The following C4BPA variants were observed in gnomAD, a reference collection of about 807,000 sequenced individuals.
The protein encoded by C4BPA is C4b-binding protein alpha chain.
In C4BPA, 31 loss-of-function variants were observed where a neutral mutation model predicts 63.7. That is an observed-to-expected ratio of 0.49 (90% CI 0.37 to 0.66). C4BPA has a LOEUF of 0.66. C4BPA is among the 30% of genes least tolerant of loss of function. The pLI is 0.00. For synonymous variants in C4BPA, 259 were observed against 254.7 expected, an observed-to-expected ratio of 1.02 and a Z score of -0.16; for missense variants, 572 against 723.3, an observed-to-expected ratio of 0.79 and a Z score of 2.40.
intron 10 of C4BPA, among the ~76,000 whole-genome samples, chr1:207,142,113 C>T (rs984392929): frequency 2.0e-5 from 3 of 149,662 alleles, no homozygotes; most frequent in Non-Finnish European, 3.0e-5. Context: ...TGTTCCCCTC[C>T]CTGTGTCCAT....
intron 1 of C4BPA, among the ~76,000 whole-genome samples, chr1:207,109,737 G>A (rs1684627935): frequency 6.6e-6 from 1 of 152,194 alleles, no homozygotes; most frequent in Admixed American, 6.5e-5. Flanking sequence ...ACCTGTGGAA[G>A]GAGGAGAACC....
At chr1:207,140,519 C>G (rs1467096844) in intron 9 of C4BPA, among the ~76,000 whole-genome samples, 5 of 142,228 alleles carry the variant, frequency 3.5e-5, no homozygotes, top group Admixed American at 1.4e-4. Context: ...TTTTTTTTAA[C>G]TTTCTCATGC....
chr1:207,134,274 G>C (rs774953866), intron 8 of C4BPA, 130 bp from the exon 9 acceptor site: 2 of 679,704 alleles, frequency 2.9e-6, no homozygotes. Context: ...GAGTGTCTTG[G>C]GTCTCCCTTT....
chr1:207,125,170 A>C (rs1242153891), intron 6 of C4BPA, among the ~76,000 whole-genome samples: 5 of 152,252 alleles, frequency 3.3e-5, no homozygotes, highest in Non-Finnish European at 7.3e-5. Context: ...TACTGCCAAC[A>C]GTGCAAAATG....
At chr1:207,122,017 T>C (rs1429606622) in intron 4 of C4BPA, among the ~76,000 whole-genome samples, 2 of 152,208 alleles carry the variant, frequency 1.3e-5, no homozygotes, top group African/African-American at 4.8e-5. Flanking sequence ...CCTGTCTCTA[T>C]TTTTTCTTAG....
chr1:207,137,589 ATGTTTTGTTT>A lies in C4BPA; in HGVS notation c.1273+3035_1273+3044del, dbSNP rs76261944. ...GTTTATGATAAGGGGTTGTGGAGAT[ATGTTTTGTTT>A]TGTTTTGTTTTGTTTTGTTTTGTTT... On this transcript the variant is annotated intron_variant, in intron 9 of 11. Coordinates refer to ENST00000367070, the MANE Select transcript of C4BPA (RefSeq NM_000715.4). Among the ~76,000 whole-genome samples, 945 of 149,740 alleles carry A rather than the reference ATGTTTTGTTT, an allele frequency of 6.3e-3. 6 individuals carry two copies. The highest frequency in any genetic ancestry group is 0.015 in the African/African-American group (608 of 40,226).
Position 207,144,548 on chromosome 1 carries a change from C to T in C4BPA, c.1625C>T (p.Thr542Ile). The change falls in exon 12 of 12, where the codon ACC becomes ATC. Residue 542 changes from threonine (T) to isoleucine (I), a missense_variant. Thr to Ile is a moderately conservative substitution (Grantham distance 89). Transcript: ENST00000367070. ...CCCACCACTTATATCTTTTAGGAGA[C>T]CCCCGAAGGCTGTGAACAAGTGCTC... ...YPEVPKCEWETPEGCEQVLTG... is the reference protein window; with the variant it reads ...YPEVPKCEWEIPEGCEQVLTG... 6.2e-7 allele frequency: 1 copy of T among 1,605,806 alleles called. No homozygotes were observed. The highest frequency in any genetic ancestry group is 1.1e-5 in the South Asian group (1 of 90,000).
At chr1:207,112,249 A>G (rs1413275214) in intron 1 of C4BPA, among the ~76,000 whole-genome samples, 1 of 151,490 alleles carries the variant, frequency 6.6e-6, no homozygotes, top group Non-Finnish European at 1.5e-5. Flanking sequence ...AAATTGCTTC[A>G]TGGTTTATTG....
At chr1:207,134,377 C>A (rs116754224) in intron 8 of C4BPA, 27 bp from the exon 9 acceptor site, 14 of 1,568,922 alleles carry the variant, frequency 8.9e-6, no homozygotes, top group Non-Finnish European at 1.2e-5. Context: ...ATTTTACTAA[C>A]CATGCACCTC....
chr1:207,131,568 C>T lies in C4BPA; in HGVS notation c.912C>T (p.Asp304=), dbSNP rs1685160342. The change falls in exon 8 of 12, where the codon GAC becomes GAT. Residue 304 remains aspartate, a synonymous_variant. Coordinates refer to ENST00000367070, the MANE Select transcript of C4BPA (RefSeq NM_000715.4). Reference sequence around the variant, plus strand: ...TAGATAGTTGTATTAATTTACCAGACATTCCACATGCTTCCTGGGAAACAT... The same window carrying T: ...TAGATAGTTGTATTAATTTACCAGATATTCCACATGCTTCCTGGGAAACAT... ...CEPNSCINLP[D]IPHASWETYP... is the part of the protein sequence containing the mutation. The T allele has an allele frequency of 8.1e-6, 13 of 1,610,618 alleles. No individual in the cohort carries two copies. The highest frequency in any genetic ancestry group is 1.1e-5 in the Non-Finnish European group (13 of 1,177,454).
At position 207,126,724 on chromosome 1, in the gene C4BPA, C is replaced by T. The variant is rs771897726; in HGVS notation, c.718C>T (p.Arg240Cys). 1.4e-5 allele frequency: 22 copies of T among 1,607,858 alleles called. No homozygotes were observed. The highest frequency in any genetic ancestry group is 3.4e-5 in the Admixed American group (2 of 59,272). Residue 240 changes from arginine to cysteine, a missense_variant, in exon 7 of 12, where the codon CGC becomes TGC. Arg to Cys is a radical substitution (Grantham distance 180, BLOSUM62 -3). This residue lies in a region of C4BPA where 465 missense variants were observed against 629.4 expected (regional missense o/e 0.74). Coordinates refer to ENST00000367070, the MANE Select transcript of C4BPA (RefSeq NM_000715.4). Reference protein sequence around the residue: ...SPPTCEKITCRKPDVSHGEMV... With the variant: ...SPPTCEKITCCKPDVSHGEMV... Reference sequence around the variant, plus strand: ...TCATGATTCTTTAGAAATCACCTGTCGCAAGCCAGATGTTTCACATGGGGA... The same window carrying T: ...TCATGATTCTTTAGAAATCACCTGTTGCAAGCCAGATGTTTCACATGGGGA...
In C4BPA at chr1:207,131,692, G is replaced by A; in HGVS notation, c.1036G>A (p.Val346Met). 1.2e-6 allele frequency: 2 copies of A among 1,613,670 alleles called. No homozygotes were observed. The highest frequency in any genetic ancestry group is 2.2e-5 in the South Asian group (2 of 90,972). ...YKPTTDEPTT[V>M]ICQKNLRWTP... ...ACCCACTACAGATGAGCCTACGACT[G>A]TGATTTGTCAGAAAAATTTGAGATG... The change falls in exon 8 of 12, where the codon GTG (valine) becomes ATG (methionine). Residue 346 changes from valine (V) to methionine (M), a missense_variant. Physicochemically the swap from Val to Met is conservative, Grantham distance 21 (BLOSUM62 1). Coordinates refer to ENST00000367070, the MANE Select transcript of C4BPA (RefSeq NM_000715.4).
At chr1:207,117,175 T>A (rs530469089) in intron 4 of C4BPA, among the ~76,000 whole-genome samples, 1 of 152,280 alleles carries the variant, frequency 6.6e-6, no homozygotes, top group Admixed American at 6.5e-5. Flanking sequence ...TTAGGTGAAG[T>A]GCAGTGGCTC....
chr1:207,144,443 G>C lies in C4BPA; in HGVS notation c.1621-101G>C, dbSNP rs73079153. On this transcript the variant is annotated intron_variant, in intron 11 of 11. Transcript: ENST00000367070. Reference sequence around the variant, plus strand: ...CAGCCTCAACCACCAGTCTGAGGTTGGTCTTGGTTCAATCCTGTAGTCCTT... The same window carrying C: ...CAGCCTCAACCACCAGTCTGAGGTTCGTCTTGGTTCAATCCTGTAGTCCTT... 5.2e-3 allele frequency: 4,955 copies of C among 955,722 alleles called. 162 individuals are homozygous for C. In the African/African-American group the frequency reaches 0.074, roughly 14 times the overall value. The allele number at this position is 955,722 out of a possible 1,614,324, so 59.2% of individuals were successfully genotyped here. A position where few individuals can be genotyped will look rare whatever the true frequency, so the allele number is the denominator to read the frequency against.
At position 207,144,830 on chromosome 1, in the gene C4BPA, A is replaced by G. The variant is rs562917443; in HGVS notation, c.*113A>G. The stretch of plus-strand genomic sequence containing the variant: ...TTGGCAGTGATATTCATCATAATAA[A>G]TATCTAGAAATGATAATTTGCTAAA... On this transcript the variant is annotated 3_prime_UTR_variant, in exon 12 of 12. Transcript: ENST00000367070. The G allele has an allele frequency of 5.2e-5, 28 of 538,068 alleles. No individual in the cohort carries two copies. In the African/African-American group the frequency reaches 5.3e-4, roughly 10 times the overall value. The allele number at this position is 538,068 out of a possible 1,614,324, so 33.3% of individuals were successfully genotyped here. A position where few individuals can be genotyped will look rare whatever the true frequency, so the allele number is the denominator to read the frequency against.
At chr1:207,127,407 A>C (rs184594870) in intron 7 of C4BPA, 27 of 152,366 alleles carry the variant, frequency 1.8e-4, no homozygotes, top group Admixed American at 1.2e-3. Context: ...ACTTGGCACT[A>C]GACTAGGTGC....
In C4BPA at chr1:207,114,091, G is replaced by C. The variant is rs765651659; in HGVS notation, c.143-9G>C. Reference sequence around the variant, plus strand: ...AAGTTTTGGTGCTCCTTCTCATTTTGGTGTCCAGGCAATTGTGGTCCTCCA... The same window carrying C: ...AAGTTTTGGTGCTCCTTCTCATTTTCGTGTCCAGGCAATTGTGGTCCTCCA... On this transcript the variant is annotated splice_polypyrimidine_tract_variant and intron_variant, in intron 2 of 11. Transcript: ENST00000367070. 2 of 1,607,318 alleles carry C rather than the reference G, an allele frequency of 1.2e-6. No homozygotes were observed. Among genetic ancestry groups the C allele is most frequent in the Non-Finnish European group, 1.7e-6 (2 of 1,176,078 alleles).
Position 207,144,537 on chromosome 1 carries a change from C to G in C4BPA, c.1621-7C>G. 1 of 1,596,572 alleles carries G rather than the reference C, an allele frequency of 6.3e-7. No homozygotes were observed. ...TCTCAATCACACCCACCACTTATAT[C>G]TTTTAGGAGACCCCCGAAGGCTGTG... On this transcript the variant is annotated splice_polypyrimidine_tract_variant and splice_region_variant and intron_variant, in intron 11 of 11. Coordinates refer to ENST00000367070, the MANE Select transcript of C4BPA (RefSeq NM_000715.4).
chr1:207,143,336 G>A (rs1685461752), intron 10 of C4BPA, among the ~76,000 whole-genome samples: 1 of 151,994 alleles, frequency 6.6e-6, no homozygotes, highest in South Asian at 2.1e-4. Context: ...GGCCTGTCAG[G>A]GGGTGGGGGG....
Sources: gnomAD v4.1 joint callset for allele counts (sites outside exome capture counted in the v4.1 genomes callset) on GRCh38, gnomAD v4.1.1 for gene constraint, gnomAD v4.1.1 regional missense constraint, MANE v1.5 for transcripts, NCBI Gene and HGNC (gene_info 2026-07-23, HGNC 2026-07-21) for gene names.